CACNA1B: variants seen among roughly 807,000 people sequenced by gnomAD.
The protein encoded by CACNA1B is voltage-dependent N-type calcium channel subunit alpha-1B.
Under a neutral mutation model 247.2 loss-of-function variants are expected in CACNA1B, and 70 were observed. That is an observed-to-expected ratio of 0.28 (90% CI 0.23 to 0.35). The LOEUF (loss-of-function observed/expected upper bound fraction) is 0.35, where lower values mean the gene tolerates loss of function less well. CACNA1B is among the 10% of genes least tolerant of loss of function. The pLI is 1.00. For missense variants in CACNA1B, 2,367 were observed against 3,197.4 expected, an observed-to-expected ratio of 0.74 and a Z score of 6.26; for synonymous variants, 1,231 against 1,294.4, an observed-to-expected ratio of 0.95 and a Z score of 1.05.
At chr9:137,932,737 C>A (rs760597608) in intron 6 of CACNA1B, among the ~76,000 whole-genome samples, 23 of 152,130 alleles carry the variant, frequency 1.5e-4, no homozygotes, top group Non-Finnish European at 2.8e-4. Flanking sequence ...AGCTAGTGGG[C>A]CTGCCTCGAC....
chr9:137,917,984 C>G lies in CACNA1B; in HGVS notation c.966+553C>G, dbSNP rs563387505. On this transcript the variant is annotated intron_variant, in intron 6 of 46. Coordinates refer to ENST00000371372, the MANE Select transcript of CACNA1B (RefSeq NM_000718.4). The surrounding 1 kb of genome is among the most constrained non-coding windows in gnomAD (Gnocchi z 5.5). ...GGCCTCCCGTCCCCAGGCTGCCCGG[C>G]GAAGGTGGTGAACCGCGGAGCAGGG... Among the ~76,000 whole-genome samples, 1 of 152,226 alleles carries G rather than the reference C, an allele frequency of 6.6e-6. No homozygotes were observed. Among genetic ancestry groups the G allele is most frequent in the Non-Finnish European group, 1.5e-5 (1 of 68,040 alleles).
At chr9:137,890,153 A>T (rs1445772297) in intron 3 of CACNA1B, 1 of 150,008 alleles carries the variant, frequency 6.7e-6, no homozygotes, top group Non-Finnish European at 1.5e-5. Flanking sequence ...GGATAGAAGC[A>T]GCGCGGGGCT....
intron 6 of CACNA1B, among the ~76,000 whole-genome samples, chr9:137,921,709 C>T (rs1354888180): frequency 6.8e-6 from 1 of 147,298 alleles, no homozygotes; most frequent in Non-Finnish European, 1.5e-5. Flanking sequence ...ATCAGCACCA[C>T]GACCGCACAG....
intron 23 of CACNA1B, 126 bp downstream of exon 23, chr9:138,047,584 C>A: frequency 1.5e-6 from 1 of 686,684 alleles, no homozygotes; most frequent in South Asian, 1.7e-5. Flanking sequence ...TAGGTGTGTG[C>A]GTACTGGGTG....
In CACNA1B at chr9:138,058,350, C is replaced by T. The variant is rs1398290710; in HGVS notation, c.4308+100C>T. On this transcript the variant is annotated intron_variant, in intron 28 of 46. Coordinates refer to ENST00000371372, the MANE Select transcript of CACNA1B (RefSeq NM_000718.4). The surrounding 1 kb of genome is among the most constrained non-coding windows in gnomAD (Gnocchi z 4.7). The stretch of plus-strand genomic sequence containing the variant: ...TCACTCACAGCTGGGTCAGCTTTGG[C>T]TGCCACCGTCTGCCAACACAGGGGC... The T allele has an allele frequency of 8.3e-6, 9 of 1,083,514 alleles. No homozygotes were observed. Among genetic ancestry groups the T allele is most frequent in the African/African-American group, 1.6e-5 (1 of 64,358 alleles). 67.1% of individuals were successfully genotyped at this position (1,083,514 alleles called of 1,614,324 possible).
In CACNA1B at chr9:138,012,818, C is replaced by T. The variant is rs1958741579; in HGVS notation, c.2161-311C>T. Among the ~76,000 whole-genome samples the T allele has an allele frequency of 2.6e-5, 4 of 151,948 alleles. No homozygotes were observed. In the South Asian group the frequency reaches 8.3e-4, roughly 32 times the overall value. On this transcript the variant is annotated intron_variant, in intron 17 of 46. Transcript: ENST00000371372. The surrounding 1 kb of genome is among the most constrained non-coding windows in gnomAD (Gnocchi z 4.2). ...AGCTCAGAGTAAGGTCAGGATAGCACAGAGGTGAGGCCGTCGCCTCCAGGG... is the reference window on the plus strand; with the variant it reads ...AGCTCAGAGTAAGGTCAGGATAGCATAGAGGTGAGGCCGTCGCCTCCAGGG...
chr9:138,022,914 G>A lies in CACNA1B; in HGVS notation c.2268-97G>A. The A allele has an allele frequency of 3.7e-6, 5 of 1,368,186 alleles. No individual in the cohort carries two copies. In the South Asian group the frequency reaches 6.6e-5, roughly 18 times the overall value. The allele number at this position is 1,368,186 out of a possible 1,614,324, so 84.8% of individuals were successfully genotyped here. The stretch of plus-strand genomic sequence containing the variant: ...CCGCGGCCACGCCTCCCACCTCCCT[G>A]CGCCATTACTCCATTGCTGTGTGTG... On this transcript the variant is annotated intron_variant, in intron 18 of 46. Transcript: ENST00000371372.
At chr9:137,920,071 G>A (rs1439849539) in intron 6 of CACNA1B, among the ~76,000 whole-genome samples, 1 of 152,190 alleles carries the variant, frequency 6.6e-6, no homozygotes, top group Non-Finnish European at 1.5e-5. Context: ...TGGGTACAGG[G>A]GAGCAAAGAG....
At chr9:138,017,515 C>A (rs866938358) in intron 18 of CACNA1B, among the ~76,000 whole-genome samples, 37 of 152,218 alleles carry the variant, frequency 2.4e-4, no homozygotes, top group African/African-American at 8.9e-4. Context: ...GTGGACTGGG[C>A]GTCATGGGTT....
chr9:138,023,820 G>A lies in CACNA1B; in HGVS notation c.3068+9G>A, dbSNP rs1174870437. Reference sequence around the variant, plus strand: ...CGGAACCACCAGCCCCGGTGAGTCCGCGGCTGGGCGGGGTCAGGGAGGGAA... The same window carrying A: ...CGGAACCACCAGCCCCGGTGAGTCCACGGCTGGGCGGGGTCAGGGAGGGAA... On this transcript the variant is annotated intron_variant, in intron 19 of 46. Coordinates refer to ENST00000371372, the MANE Select transcript of CACNA1B (RefSeq NM_000718.4). The A allele has an allele frequency of 1.5e-6, 2 of 1,297,366 alleles. No individual in the cohort carries two copies. Among genetic ancestry groups the A allele is most frequent in the Admixed American group, 2.0e-5 (1 of 50,530 alleles). 80.4% of individuals were successfully genotyped at this position (1,297,366 alleles called of 1,614,324 possible).
rs1043242832 is a variant in CACNA1B at position 137,984,020 on chromosome 9, C to G, written c.1657-118C>G. ...TACCATATCTGGCTTGATTGTCAGA[C>G]AAGGAAGCAGGATGGTTCCTTACGG... On this transcript the variant is annotated intron_variant, in intron 12 of 46. Transcript: ENST00000371372. 4 of 725,674 alleles carry G rather than the reference C, an allele frequency of 5.5e-6. No homozygotes were observed. The African/African-American group carries it at 6.9e-5, about 13-fold the overall frequency. The allele number at this position is 725,674 out of a possible 1,614,324, so 45.0% of individuals were successfully genotyped here.
intron 18 of CACNA1B, 50 bp downstream of exon 18, chr9:138,013,285 G>A: frequency 7.1e-7 from 1 of 1,415,734 alleles, no homozygotes. Context: ...CTGCTGCAGG[G>A]TCCCATGGCT....
intron 6 of CACNA1B, among the ~76,000 whole-genome samples, chr9:137,947,162 C>G (rs939932586): frequency 6.6e-6 from 1 of 152,098 alleles, no homozygotes; most frequent in Admixed American, 6.5e-5. Context: ...TTGCAGGAGG[C>G]AACCAATCAA....
chr9:137,984,372 T>C, intron 13 of CACNA1B, 122 bp downstream of exon 13: 2 of 714,982 alleles, frequency 2.8e-6, no homozygotes, highest in Admixed American at 4.6e-5. Flanking sequence ...TGGCTTATAG[T>C]TGATTTAAAT....
At chr9:137,915,266 C>T (rs1042685911) in intron 5 of CACNA1B, among the ~76,000 whole-genome samples, 3 of 152,154 alleles carry the variant, frequency 2.0e-5, no homozygotes, top group South Asian at 2.1e-4. Flanking sequence ...CTGAGAGAAA[C>T]GGGAAGACAG....
intron 12 of CACNA1B, among the ~76,000 whole-genome samples, chr9:137,978,995 G>C (rs74745950): frequency 0.012 from 1,893 of 152,300 alleles, 32 homozygotes; most frequent in African/African-American, 0.043. Context: ...TCACAAAGAA[G>C]GTCTGAGTGC....
At chr9:138,091,426 A>C (rs1960875984) in intron 36 of CACNA1B, among the ~76,000 whole-genome samples, 1 of 152,226 alleles carries the variant, frequency 6.6e-6, no homozygotes, top group Non-Finnish European at 1.5e-5. Context: ...TGGTGAACGG[A>C]TACAAAAGTA....
Position 138,051,259 on chromosome 9 carries a change from T to C in CACNA1B, c.3711-833T>C, listed in dbSNP as rs573347799. Reference sequence around the variant, plus strand: ...TGCTAATTCCTGCGTCCCTGACAGGTAGAGGCAGCTGCCTGGGTCTGTCCT... The same window carrying C: ...TGCTAATTCCTGCGTCCCTGACAGGCAGAGGCAGCTGCCTGGGTCTGTCCT... On this transcript the variant is annotated intron_variant, in intron 24 of 46. Coordinates refer to ENST00000371372, the MANE Select transcript of CACNA1B (RefSeq NM_000718.4). The surrounding 1 kb of genome is among the most constrained non-coding windows in gnomAD (Gnocchi z 4.3). Among the ~76,000 whole-genome samples, 1 of 152,034 alleles carries C rather than the reference T, an allele frequency of 6.6e-6. No homozygotes were observed. Among genetic ancestry groups the C allele is most frequent in the Admixed American group, 6.5e-5 (1 of 15,294 alleles).
At chr9:138,115,202 A>G (rs1342037329) in intron 41 of CACNA1B, among the ~76,000 whole-genome samples, 1 of 152,194 alleles carries the variant, frequency 6.6e-6, no homozygotes, top group Non-Finnish European at 1.5e-5. Flanking sequence ...ATTCAAGGTG[A>G]TGATTAGATG....
Sources: gnomAD v4.1 joint callset for allele counts (sites outside exome capture counted in the v4.1 genomes callset) on GRCh38, gnomAD v4.1.1 for gene constraint, Gnocchi (gnomAD v3.1) non-coding constraint, MANE v1.5 for transcripts, NCBI Gene and HGNC (gene_info 2026-07-23, HGNC 2026-07-21) for gene names.